CTBP2: variants seen among roughly 807,000 people sequenced by gnomAD.
CTBP2 encodes the protein C-terminal binding protein 2.
In CTBP2, 30 loss-of-function variants were observed where a neutral mutation model predicts 80.3. The ratio of observed to expected loss-of-function variants is 0.37; its 90% CI spans 0.28 to 0.51. CTBP2 has a LOEUF of 0.51. Ranked by LOEUF, CTBP2 falls within the 20% of genes least tolerant of loss-of-function variation. The pLI, the probability that CTBP2 is intolerant of heterozygous loss-of-function variation, is 0.93. For missense variants in CTBP2, 1,212 were observed against 1,375.3 expected (o/e 0.88, Z 1.88); for synonymous variants, 594 against 587.4 (o/e 1.01, Z -0.16).
intron 1 of CTBP2, among the ~76,000 whole-genome samples, chr10:125,010,226 A>T (rs1416440285): frequency 6.6e-6 from 1 of 151,300 alleles, no homozygotes; most frequent in African/African-American, 2.4e-5. Context: ...GGTTAAAAAA[A>T]AAAAAAAAAA....
chr10:125,100,500 ACAAAT>A (rs1427399064), intron 2 of CTBP2: 1 of 152,250 alleles, frequency 6.6e-6, no homozygotes, highest in African/African-American at 2.4e-5. Context: ...ACACACGTAC[ACAAAT>A]CAAAGGAACA....
chr10:125,113,997 C>T (rs903829795), intron 1 of CTBP2, among the ~76,000 whole-genome samples: 1 of 152,210 alleles, frequency 6.6e-6, no homozygotes, highest in African/African-American at 2.4e-5. Flanking sequence ...ACTGGAGCTA[C>T]AGAAAAGCTA....
intron 2 of CTBP2, among the ~76,000 whole-genome samples, chr10:125,054,365 C>G (rs2135248172): frequency 6.6e-6 from 1 of 152,294 alleles, no homozygotes; most frequent in South Asian, 2.1e-4. Flanking sequence ...TCCCTCCCTC[C>G]CAGAGGCCAG....
At chr10:125,037,169 G>A (rs962084341) in intron 3 of CTBP2, among the ~76,000 whole-genome samples, 3 of 152,236 alleles carry the variant, frequency 2.0e-5, no homozygotes, top group Non-Finnish European at 4.4e-5. Flanking sequence ...TACACATGAA[G>A]GGGGTGGGAA....
intron 1 of CTBP2, among the ~76,000 whole-genome samples, chr10:125,008,889 C>G (rs1438586532): frequency 1.3e-5 from 2 of 152,248 alleles, no homozygotes; most frequent in Non-Finnish European, 2.9e-5. Flanking sequence ...TCCAAGCAAG[C>G]ATTAGGTCAT....
chr10:124,990,659 C>T (rs368049226), intron 8 of CTBP2, among the ~76,000 whole-genome samples: 348 of 152,360 alleles, frequency 2.3e-3, no homozygotes, highest in Non-Finnish European at 4.1e-3. Context: ...GTTTGTCTCC[C>T]TCCATCCCCC....
intron 2 of CTBP2, among the ~76,000 whole-genome samples, chr10:125,058,723 G>A (rs192720291): frequency 1.3e-5 from 2 of 151,974 alleles, no homozygotes; most frequent in South Asian, 2.1e-4. Flanking sequence ...GACGAAACCC[G>A]TCTCTACTAA....
intron 1 of CTBP2, among the ~76,000 whole-genome samples, chr10:125,158,992 C>T (rs1453396059): frequency 6.6e-6 from 1 of 151,470 alleles, no homozygotes; most frequent in Non-Finnish European, 1.5e-5. Flanking sequence ...CAGGGCGCGG[C>T]GTGGGCTGCA....
intron 1 of CTBP2, among the ~76,000 whole-genome samples, chr10:125,014,858 G>A (rs7090603): frequency 0.097 from 14,783 of 152,276 alleles, 848 homozygotes; most frequent in South Asian, 0.24. Flanking sequence ...CGCCTTGGCC[G>A]GCAGGGACGC....
chr10:125,089,652 T>C (rs1848487666), intron 2 of CTBP2, among the ~76,000 whole-genome samples: 1 of 152,128 alleles, frequency 6.6e-6, no homozygotes, highest in Non-Finnish European at 1.5e-5. Flanking sequence ...CGAGAGCAGC[T>C]GGGGAGAAAA....
At chr10:125,109,717 G>A (rs940677331) in intron 2 of CTBP2, among the ~76,000 whole-genome samples, 2 of 152,230 alleles carry the variant, frequency 1.3e-5, no homozygotes, top group African/African-American at 4.8e-5. Flanking sequence ...AGCCCTGTCA[G>A]AGCACTCCCA....
intron 2 of CTBP2, among the ~76,000 whole-genome samples, chr10:125,062,557 C>T (rs1965180486): frequency 6.7e-6 from 1 of 148,424 alleles, no homozygotes; most frequent in Admixed American, 6.9e-5. Context: ...AGGGTCGCTG[C>T]CATCAGTAAT....
chr10:125,007,322 G>A (rs1187470595), intron 1 of CTBP2, among the ~76,000 whole-genome samples: 2 of 152,260 alleles, frequency 1.3e-5, no homozygotes, highest in Non-Finnish European at 2.9e-5. Context: ...GATGTGCTGT[G>A]CACCAGCTCA....
chr10:125,152,577 G>A (rs1332025646), intron 1 of CTBP2, among the ~76,000 whole-genome samples: 2 of 152,210 alleles, frequency 1.3e-5, no homozygotes, highest in South Asian at 2.1e-4. Context: ...CCGCAGGAGC[G>A]TCGTGAAGAT....
chr10:125,036,504 A>G (rs1229387502), intron 3 of CTBP2, among the ~76,000 whole-genome samples: 1 of 115,914 alleles, frequency 8.6e-6, no homozygotes, highest in Non-Finnish European at 1.9e-5. Flanking sequence ...AATCATTTAG[A>G]AAGAAAAAAA....
At chr10:125,127,860 T>C (rs1255199030) in intron 1 of CTBP2, among the ~76,000 whole-genome samples, 1 of 152,190 alleles carries the variant, frequency 6.6e-6, no homozygotes, top group Non-Finnish European at 1.5e-5. Flanking sequence ...GTTGCTGTAT[T>C]TGCATTTTAA....
upstream of CTBP2, among the ~76,000 whole-genome samples, chr10:125,029,191 T>A (rs1490261899): frequency 3.9e-5 from 6 of 152,110 alleles, no homozygotes; most frequent in Non-Finnish European, 1.5e-5. Context: ...AGCACTCTAC[T>A]AGAATCTTCT....
intron 2 of CTBP2, among the ~76,000 whole-genome samples, chr10:125,073,394 C>T (rs1235390817): frequency 6.6e-6 from 1 of 152,184 alleles, no homozygotes; most frequent in Admixed American, 6.5e-5. Flanking sequence ...CAAGCGTGCA[C>T]CACCACACCC....
chr10:125,074,910 GA>G lies in CTBP2; in HGVS notation c.-101-35756del, dbSNP rs534710283. Among the ~76,000 whole-genome samples, 6 of 152,322 alleles carry G rather than the reference GA, an allele frequency of 3.9e-5. No individual in the cohort carries two copies. In the East Asian group the frequency reaches 1.2e-3, roughly 29 times the overall value. The stretch of plus-strand genomic sequence containing the variant: ...CACAGTGACACTGGAGCCACCTGTG[GA>G]ACCATGAGTCCTACCTTGACTACGA... On this transcript the variant is annotated intron_variant, in intron 2 of 10. Coordinates refer to the CTBP2 transcript ENST00000337195.
Sources: allele counts gnomAD v4.1 joint callset (sites outside exome capture counted in the v4.1 genomes callset), GRCh38; gene constraint gnomAD v4.1.1; transcripts MANE v1.5; gene names NCBI Gene and HGNC (gene_info 2026-07-23, HGNC 2026-07-21).